Variants in IBTK observed in about 807,000 individuals in gnomAD.
IBTK encodes the protein BTK-binding protein.
A neutral mutation model predicts 154.9 loss-of-function variants in IBTK; 83 were observed. The ratio of observed to expected loss-of-function variants is 0.54; its 90% CI spans 0.45 to 0.64. The LOEUF is 0.64. Among genes scored for constraint, IBTK ranks in the 30% least tolerant of loss-of-function variants. IBTK has a pLI of 0.00. For synonymous variants in IBTK, 515 were observed against 536.1 expected (o/e 0.96, Z 0.54); for missense variants, 1,332 against 1,584.6 (o/e 0.84, Z 2.71).
At chr6:82,219,187 G>A (rs1383828291) in intron 9 of IBTK, among the ~76,000 whole-genome samples, 2 of 151,672 alleles carry the variant, frequency 1.3e-5, no homozygotes, top group East Asian at 3.9e-4. Flanking sequence ...ATAGGTAAAC[G>A]TGTGCCATGG....
chr6:82,192,923 C>G (rs1768827691), intron 23 of IBTK, among the ~76,000 whole-genome samples: 1 of 151,278 alleles, frequency 6.6e-6, no homozygotes. Flanking sequence ...CATGGTGAAC[C>G]CTCATCTCTA....
intron 17 of IBTK, among the ~76,000 whole-genome samples, chr6:82,203,058 C>G (rs1443083839): frequency 6.6e-6 from 1 of 151,094 alleles, no homozygotes; most frequent in Non-Finnish European, 1.5e-5. Flanking sequence ...AGATATAAAA[C>G]TAAGAAAAAC....
At chr6:82,243,257 T>C (rs913800113) in intron 1 of IBTK, among the ~76,000 whole-genome samples, 24 of 146,174 alleles carry the variant, frequency 1.6e-4, no homozygotes, top group African/African-American at 5.7e-4. Flanking sequence ...AAAAAAAAAG[T>C]GTTTGGTAGC....
intron 9 of IBTK, 70 bp from the exon 10 acceptor site, chr6:82,218,207 G>T: frequency 9.1e-7 from 1 of 1,093,638 alleles, no homozygotes; most frequent in Non-Finnish European, 1.2e-6. Context: ...CTTAAATCAA[G>T]ATATCAAGAG....
At chr6:82,240,029 C>G (rs369082947) in intron 2 of IBTK, 137 bp downstream of exon 2, 1 of 644,638 alleles carries the variant, frequency 1.6e-6, no homozygotes, top group Non-Finnish European at 2.6e-6. Flanking sequence ...TTCCAAAGAT[C>G]AGTTACAGTA....
chr6:82,204,783 C>A, intron 17 of IBTK, 74 bp downstream of exon 17: 1 of 899,202 alleles, frequency 1.1e-6, no homozygotes, highest in South Asian at 2.3e-5. Context: ...TAAGTGGAAT[C>A]ATAAAGTCAA....
intron 6 of IBTK, among the ~76,000 whole-genome samples, chr6:82,224,814 A>G (rs1454885589): frequency 1.3e-5 from 2 of 152,210 alleles, no homozygotes; most frequent in African/African-American, 4.8e-5. Flanking sequence ...GATAAATTTC[A>G]TATTTTTTCT....
chr6:82,231,597 T>A, intron 4 of IBTK, 121 bp downstream of exon 4: 5 of 636,396 alleles, frequency 7.9e-6, no homozygotes, highest in Non-Finnish European at 1.3e-5. Context: ...TTGATTGATT[T>A]CCTCATTAAA....
chr6:82,187,760 AG>A (rs1472692728), intron 25 of IBTK, among the ~76,000 whole-genome samples: 1 of 152,124 alleles, frequency 6.6e-6, no homozygotes, highest in Non-Finnish European at 1.5e-5. Context: ...TTATTTAAGG[AG>A]GGGCTGAAAG....
intron 9 of IBTK, among the ~76,000 whole-genome samples, chr6:82,219,455 G>T (rs1360844636): frequency 6.6e-6 from 1 of 152,032 alleles, no homozygotes; most frequent in African/African-American, 2.4e-5. Flanking sequence ...AGTAAAACCA[G>T]AAAGTTATCT....
intron 18 of IBTK, 66 bp from the exon 19 acceptor site, chr6:82,201,548 C>T (rs1158863308): frequency 1.9e-6 from 2 of 1,074,584 alleles, no homozygotes; most frequent in African/African-American, 3.2e-5. Flanking sequence ...AAGTTGCTTA[C>T]ATACGTAGAT....
intron 2 of IBTK, among the ~76,000 whole-genome samples, chr6:82,238,259 T>A (rs1055811872): frequency 1.3e-4 from 19 of 151,596 alleles, no homozygotes; most frequent in Non-Finnish European, 2.5e-4. Context: ...AAAATAATAA[T>A]AAAAATAAAA....
At position 82,237,629 on chromosome 6, in the gene IBTK, T is replaced by C. The variant is rs193202113; in HGVS notation, c.321+2537A>G. On this transcript the variant is annotated intron_variant, in intron 2 of 28. Coordinates refer to ENST00000306270, the MANE Select transcript of IBTK (RefSeq NM_015525.4). The stretch of plus-strand genomic sequence containing the variant: ...TAGTACTAGAAGATAGTAGTAGTAG[T>C]AGCAGTAGTAGTAGTAGTAGAAGAT... Among the ~76,000 whole-genome samples the C allele has an allele frequency of 9.7e-3, 1,423 of 146,244 alleles. 10 individuals carry two copies. The highest frequency in any genetic ancestry group is 0.015 in the Non-Finnish European group (1,023 of 66,748).
intron 26 of IBTK, among the ~76,000 whole-genome samples, chr6:82,176,522 A>AG (rs1491150093): frequency 1.0e-5 from 1 of 98,184 alleles, no homozygotes; most frequent in African/African-American, 3.8e-5. Flanking sequence ...AGTCCGTCTC[A>AG]AAAAAAAAAA....
intron 1 of IBTK, among the ~76,000 whole-genome samples, chr6:82,243,440 T>C (rs1375679310): frequency 2.0e-5 from 3 of 152,210 alleles, no homozygotes; most frequent in Non-Finnish European, 4.4e-5. Context: ...ATGTTTTAAA[T>C]TGCATACTAT....
chr6:82,203,970 G>A (rs1205813430), intron 17 of IBTK, among the ~76,000 whole-genome samples: 1 of 152,110 alleles, frequency 6.6e-6, no homozygotes, highest in Non-Finnish European at 1.5e-5. Context: ...AAATGGACAG[G>A]AATTCCCTTC....
intron 23 of IBTK, among the ~76,000 whole-genome samples, chr6:82,192,458 G>A (rs1235759471): frequency 6.6e-6 from 1 of 152,114 alleles, no homozygotes; most frequent in Non-Finnish European, 1.5e-5. Flanking sequence ...AGAAATAGAT[G>A]ATTTCTGGCC....
intron 21 of IBTK, among the ~76,000 whole-genome samples, chr6:82,196,807 T>C (rs1327021823): frequency 6.6e-6 from 1 of 152,210 alleles, no homozygotes; most frequent in African/African-American, 2.4e-5. Flanking sequence ...CAGACCTCTT[T>C]TCCCTTTCTC....
chr6:82,200,753 G>GTTTTTTTTTT (rs138809525), intron 19 of IBTK, 45 bp from the exon 20 acceptor site: 12 of 393,386 alleles, frequency 3.1e-5, no homozygotes, highest in South Asian at 6.6e-5. Context: ...AATCTGTGAA[G>GTTTTTTTTTT]TTTTTTTTTT....
Sources: gnomAD v4.1 joint callset for allele counts (sites outside exome capture counted in the v4.1 genomes callset) on GRCh38, gnomAD v4.1.1 for gene constraint, MANE v1.5 for transcripts, NCBI Gene and HGNC (gene_info 2026-07-23, HGNC 2026-07-21) for gene names.